Variants in PTPRD observed in about 807,000 individuals in gnomAD.
PTPRD encodes the protein receptor-type tyrosine-protein phosphatase delta.
PTPRD carries 34 observed loss-of-function variants against 214.5 expected under a neutral mutation model. The observed-to-expected ratio is 0.16, with a 90% CI of 0.12 to 0.21. PTPRD has a LOEUF of 0.21. Among genes scored for constraint, PTPRD ranks in the 10% least tolerant of loss-of-function variants. The pLI is 1.00. For missense variants in PTPRD, 2,545 were observed against 2,398.7 expected (o/e 1.06, Z -1.27); for synonymous variants, 1,128 against 845.7 (o/e 1.33, Z -5.79).
At chr9:10,025,193 G>A (rs1012267464) in intron 4 of PTPRD, among the ~76,000 whole-genome samples, 4 of 152,090 alleles carry the variant, frequency 2.6e-5, no homozygotes, top group African/African-American at 7.2e-5. Flanking sequence ...CTAGATCCCT[G>A]AGGAATCGCC....
intron 7 of PTPRD, among the ~76,000 whole-genome samples, chr9:9,637,440 G>C (rs1051826568): frequency 6.6e-6 from 1 of 152,180 alleles, no homozygotes; most frequent in African/African-American, 2.4e-5. Context: ...CAATAGAAAA[G>C]AAGGAAGGAG....
intron 7 of PTPRD, among the ~76,000 whole-genome samples, chr9:9,584,435 T>A (rs1178173481): frequency 6.6e-6 from 1 of 151,798 alleles, no homozygotes; most frequent in East Asian, 1.9e-4. Flanking sequence ...ATCACTATTC[T>A]TTCTCTACAG....
intron 7 of PTPRD, among the ~76,000 whole-genome samples, chr9:9,725,535 C>A (rs1022335215): frequency 6.6e-6 from 1 of 152,152 alleles, no homozygotes; most frequent in Non-Finnish European, 1.5e-5. Context: ...AGCACTTTAT[C>A]TGAGCACTTC....
chr9:9,439,497 G>A (rs1023736925), intron 8 of PTPRD, among the ~76,000 whole-genome samples: 5 of 152,126 alleles, frequency 3.3e-5, no homozygotes, highest in Non-Finnish European at 7.4e-5. Flanking sequence ...CCTGCTGCAA[G>A]GAGACTACCG....
In PTPRD at chr9:9,001,309, A is replaced by G. The variant is rs1210804713; in HGVS notation, c.-104+17388T>C. 3.3e-5 allele frequency among the ~76,000 whole-genome samples: 5 copies of G among 152,048 alleles called. No individual in the cohort carries two copies. In the East Asian group the frequency reaches 9.6e-4, roughly 29 times the overall value. ...GCAGGAGCCTTTGAGCTATCTGTGC[A>G]TTTGTGAATTAAATATTACTTTTCG... On this transcript the variant is annotated intron_variant, in intron 11 of 45. Transcript: ENST00000381196.
intron 9 of PTPRD, among the ~76,000 whole-genome samples, chr9:9,348,081 G>A (rs918856328): frequency 1.3e-5 from 2 of 152,144 alleles, no homozygotes; most frequent in African/African-American, 2.4e-5. Context: ...AATCAAGCTA[G>A]AGAGTTGATT....
intron 9 of PTPRD, among the ~76,000 whole-genome samples, chr9:9,218,000 T>C (rs562159608): frequency 6.6e-6 from 1 of 152,166 alleles, no homozygotes; most frequent in Non-Finnish European, 1.5e-5. Context: ...ATGCCGTTCA[T>C]GTTCACTCTG....
chr9:9,584,359 C>CTTATTATTATTATT (rs1554649145), intron 7 of PTPRD, among the ~76,000 whole-genome samples: 5,507 of 149,126 alleles, frequency 0.037, 167 homozygotes, highest in Middle Eastern at 0.062. Flanking sequence ...ATTTCATCAC[C>CTTATTATTATTATT]ATTATTATTA....
chr9:8,361,874 G>A (rs1444791862), intron 39 of PTPRD, among the ~76,000 whole-genome samples: 3 of 152,194 alleles, frequency 2.0e-5, no homozygotes, highest in Admixed American at 6.5e-5. Context: ...GTCCCCCACA[G>A]GGCAGAAATA....
At chr9:10,334,360 TA>T (rs2096804889) in intron 3 of PTPRD, among the ~76,000 whole-genome samples, 1 of 151,728 alleles carries the variant, frequency 6.6e-6, no homozygotes, top group Non-Finnish European at 1.5e-5. Context: ...CCACTCATGA[TA>T]AAATCTCTCA....
chr9:9,878,499 G>T (rs1286788574), intron 5 of PTPRD, among the ~76,000 whole-genome samples: 1 of 152,108 alleles, frequency 6.6e-6, no homozygotes, highest in Non-Finnish European at 1.5e-5. Context: ...TATCCAGGAG[G>T]GGCAAATAAA....
intron 11 of PTPRD, among the ~76,000 whole-genome samples, chr9:8,798,667 G>C (rs2096499301): frequency 6.6e-6 from 1 of 152,158 alleles, no homozygotes. Flanking sequence ...GTTAAGTGTT[G>C]ATGGTGGGAG....
At chr9:9,838,827 A>C (rs1307248460) in intron 5 of PTPRD, among the ~76,000 whole-genome samples, 2 of 152,136 alleles carry the variant, frequency 1.3e-5, no homozygotes, top group Non-Finnish European at 2.9e-5. Context: ...TGTTTTAGAC[A>C]TGAAGTCCTT....
At chr9:8,687,972 G>A (rs890236670) in intron 12 of PTPRD, among the ~76,000 whole-genome samples, 13 of 152,054 alleles carry the variant, frequency 8.5e-5, no homozygotes, top group Admixed American at 7.9e-4. Context: ...CACTTTTACA[G>A]TTTTTTGAAA....
At chr9:8,750,305 G>A (rs1412185299) in intron 11 of PTPRD, among the ~76,000 whole-genome samples, 8 of 151,782 alleles carry the variant, frequency 5.3e-5, no homozygotes, top group East Asian at 2.0e-4. Flanking sequence ...CTACAGGCGC[G>A]GGCCACCACG....
intron 7 of PTPRD, among the ~76,000 whole-genome samples, chr9:9,587,040 G>A (rs1203845340): frequency 6.6e-6 from 1 of 151,894 alleles, no homozygotes; most frequent in East Asian, 1.9e-4. Context: ...AAAAATATGA[G>A]AGGAGGAAAT....
intron 3 of PTPRD, among the ~76,000 whole-genome samples, chr9:10,304,583 T>C (rs77175950): frequency 0.064 from 9,778 of 152,114 alleles, 427 homozygotes; most frequent in South Asian, 0.16. Context: ...ACAAAACCAA[T>C]GTGCAAAAAT....
At chr9:10,306,432 C>T (rs1009067494) in intron 3 of PTPRD, among the ~76,000 whole-genome samples, 1 of 151,728 alleles carries the variant, frequency 6.6e-6, no homozygotes, top group Non-Finnish European at 1.5e-5. Flanking sequence ...ATAATAATAA[C>T]AATAATAAAA....
At chr9:9,747,001 A>T (rs2098464876) in intron 6 of PTPRD, among the ~76,000 whole-genome samples, 1 of 152,214 alleles carries the variant, frequency 6.6e-6, no homozygotes, top group Non-Finnish European at 1.5e-5. Context: ...CATGTTAAAC[A>T]GTTAAAAATT....
Sources: gnomAD v4.1 joint callset for allele counts (sites outside exome capture counted in the v4.1 genomes callset) on GRCh38, gnomAD v4.1.1 for gene constraint, MANE v1.5 for transcripts, NCBI Gene and HGNC (gene_info 2026-07-23, HGNC 2026-07-21) for gene names.